PCDH15: variants seen among roughly 807,000 people sequenced by gnomAD.
PCDH15 encodes the protein protocadherin related 15.
PCDH15 carries 129 observed loss-of-function variants against 178.5 expected under a neutral mutation model. That is an observed-to-expected ratio of 0.72 (90% CI 0.63 to 0.84). The LOEUF is 0.84. Ranked by LOEUF, PCDH15 falls within the 40% of genes least tolerant of loss-of-function variation. The pLI is 0.00. For missense variants in PCDH15, 2,230 were observed against 2,099.9 expected (o/e 1.06, Z -1.21); for synonymous variants, 800 against 732.0 (o/e 1.09, Z -1.50).
Position 54,608,755 on chromosome 10 carries a change from G to A in PCDH15, c.91+55417C>T, listed in dbSNP as rs117679988. On this transcript the variant is annotated intron_variant, in intron 2 of 37. Coordinates refer to ENST00000644397, the MANE Select transcript of PCDH15 (RefSeq NM_001384140.1). ...AATTAAGGGTGTCTTGGCTTGTTTA[G>A]TGTAGTTTAGTAAAATACAGTCATT... is the stretch of plus-strand genomic sequence containing the variant. 6.1e-3 allele frequency among the ~76,000 whole-genome samples: 924 copies of A among 151,928 alleles called. 25 individuals carry two copies. The East Asian group carries it at 0.084, about 14-fold the overall frequency.
At chr10:53,915,684 C>T (rs374499605) in intron 25 of PCDH15, among the ~76,000 whole-genome samples, 9 of 152,172 alleles carry the variant, frequency 5.9e-5, no homozygotes, top group East Asian at 1.9e-4. Context: ...CTCAGCCTCC[C>T]GAGTAGCTAG....
chr10:54,955,999 T>C (rs1292914894), intron 2 of PCDH15, among the ~76,000 whole-genome samples: 1 of 151,370 alleles, frequency 6.6e-6, no homozygotes, highest in Non-Finnish European at 1.5e-5. Context: ...GAATTTCACT[T>C]TGAAATTATT....
chr10:54,918,703 TA>T (rs1166117071), intron 2 of PCDH15, among the ~76,000 whole-genome samples: 2 of 152,134 alleles, frequency 1.3e-5, no homozygotes, highest in African/African-American at 4.8e-5. Flanking sequence ...TCTTTTTTAA[TA>T]AAAAGTCAAA....
chr10:54,705,109 G>C (rs868514362), intron 1 of PCDH15, among the ~76,000 whole-genome samples: 1 of 152,218 alleles, frequency 6.6e-6, no homozygotes, highest in Middle Eastern at 3.4e-3. Flanking sequence ...TTATAAGTAG[G>C]AGCTAAACTT....
intron 25 of PCDH15, among the ~76,000 whole-genome samples, chr10:53,928,278 T>G (rs2593114): frequency 0.044 from 6,672 of 152,042 alleles, 445 homozygotes; most frequent in African/African-American, 0.15. Context: ...CTTCTTTCGA[T>G]AGTCAACCAG....
intron 5 of PCDH15, among the ~76,000 whole-genome samples, chr10:54,362,205 T>C (rs555892008): frequency 6.6e-6 from 1 of 152,148 alleles, no homozygotes; most frequent in Non-Finnish European, 1.5e-5. Flanking sequence ...AGTCAGGAGG[T>C]ATGATATCAG....
chr10:55,299,533 C>A (rs1843217360), intron 1 of PCDH15, among the ~76,000 whole-genome samples: 1 of 152,244 alleles, frequency 6.6e-6, no homozygotes, highest in Non-Finnish European at 1.5e-5. Context: ...CGGGAGGGAT[C>A]TGAAATTAGT....
chr10:55,443,480 A>T (rs933658451), intron 2 of PCDH15, among the ~76,000 whole-genome samples: 1 of 152,222 alleles, frequency 6.6e-6, no homozygotes, highest in African/African-American at 2.4e-5. Context: ...AAGGTTATGA[A>T]CAGACACTTC....
At chr10:54,448,610 T>C (rs776325298) in intron 3 of PCDH15, among the ~76,000 whole-genome samples, 5 of 151,682 alleles carry the variant, frequency 3.3e-5, no homozygotes, top group Admixed American at 6.6e-5. Flanking sequence ...AATTCTCTTA[T>C]GGAAAACATT....
intron 2 of PCDH15, among the ~76,000 whole-genome samples, chr10:55,522,929 T>C: frequency 6.6e-6 from 1 of 151,734 alleles, no homozygotes; most frequent in Non-Finnish European, 1.5e-5. Context: ...TGATTTTTTG[T>C]AGTGGTATAT....
intron 3 of PCDH15, among the ~76,000 whole-genome samples, chr10:54,831,151 T>C (rs541184149): frequency 1.3e-5 from 2 of 152,238 alleles, no homozygotes; most frequent in East Asian, 3.9e-4. Context: ...TTTAACTTCC[T>C]GAAAATAGAG....
chr10:55,620,890 TAA>T (rs534649672), intron 2 of PCDH15, among the ~76,000 whole-genome samples: 8 of 151,644 alleles, frequency 5.3e-5, no homozygotes, highest in Admixed American at 1.3e-4. Context: ...TCTTTGCAGC[TAA>T]AGTCTTTTAA....
At chr10:55,346,684 A>C (rs1049996273) in intron 2 of PCDH15, among the ~76,000 whole-genome samples, 7 of 151,260 alleles carry the variant, frequency 4.6e-5, no homozygotes, top group South Asian at 4.2e-4. Flanking sequence ...GGTTATTCCT[A>C]TCTTTGGACT....
intron 8 of PCDH15, among the ~76,000 whole-genome samples, chr10:54,311,703 A>C: frequency 6.6e-6 from 1 of 152,058 alleles, no homozygotes; most frequent in East Asian, 1.9e-4. Flanking sequence ...CCAGATGTAT[A>C]TATTTATGTG....
At chr10:55,208,701 C>T (rs1175582654) in intron 1 of PCDH15, among the ~76,000 whole-genome samples, 1 of 151,994 alleles carries the variant, frequency 6.6e-6, no homozygotes, top group African/African-American at 2.4e-5. Context: ...ATATTTGCTC[C>T]TATTCAAATT....
intron 1 of PCDH15, among the ~76,000 whole-genome samples, chr10:54,703,177 GC>G (rs2095329738): frequency 6.6e-6 from 1 of 151,866 alleles, no homozygotes; most frequent in East Asian, 1.9e-4. Context: ...AAATTCAGCA[GC>G]CCTTGAGGTT....
chr10:54,646,403 C>G (rs181904628), intron 2 of PCDH15, among the ~76,000 whole-genome samples: 111 of 152,160 alleles, frequency 7.3e-4, no homozygotes, highest in Admixed American at 4.4e-3. Flanking sequence ...TGAGGGACAA[C>G]TGTATTTTTA....
intron 13 of PCDH15, among the ~76,000 whole-genome samples, chr10:54,163,422 C>A (rs370728509): frequency 2.3e-4 from 33 of 140,632 alleles, no homozygotes; most frequent in African/African-American, 8.3e-4. Context: ...AGAGAGAGAG[C>A]GAGAGGAGAA....
intron 13 of PCDH15, among the ~76,000 whole-genome samples, chr10:54,182,383 G>A (rs183209790): frequency 3.9e-5 from 6 of 152,278 alleles, no homozygotes; most frequent in Admixed American, 2.0e-4. Context: ...CATTACAGTG[G>A]CAAACAAGAC....
Sources: allele counts gnomAD v4.1 joint callset (sites outside exome capture counted in the v4.1 genomes callset), GRCh38; gene constraint gnomAD v4.1.1; transcripts MANE v1.5; gene names NCBI Gene and HGNC (gene_info 2026-07-23, HGNC 2026-07-21).